Variants in LRP11 observed in about 807,000 individuals in gnomAD.
LRP11 encodes the protein LDL receptor related protein 11.
In LRP11, 25 loss-of-function variants were observed where a neutral mutation model predicts 43.1. The ratio of observed to expected loss-of-function variants is 0.58; its 90% CI spans 0.42 to 0.81. The LOEUF is 0.81. Ranked by LOEUF, LRP11 falls within the 30% of genes least tolerant of loss-of-function variation. The pLI is 0.00. For synonymous variants in LRP11, 316 were observed against 299.4 expected, an observed-to-expected ratio of 1.06 and a Z score of -0.57; for missense variants, 623 against 665.1, an observed-to-expected ratio of 0.94 and a Z score of 0.70.
At chr6:149,837,245 A>G (rs1252944993) in intron 4 of LRP11, 93 bp downstream of exon 4, 2 of 1,366,850 alleles carry the variant, frequency 1.5e-6, no homozygotes, top group Non-Finnish European at 2.0e-6. Context: ...AAGCAGGGGA[A>G]GGACACTGTG....
chr6:149,857,879 T>A (rs750416358), intron 1 of LRP11, among the ~76,000 whole-genome samples: 1 of 152,162 alleles, frequency 6.6e-6, no homozygotes, highest in Non-Finnish European at 1.5e-5. Flanking sequence ...CGGTTACAAT[T>A]TCCTTGTACC....
At chr6:149,849,509 C>T (rs1044099884) in intron 2 of LRP11, among the ~76,000 whole-genome samples, 47 of 152,158 alleles carry the variant, frequency 3.1e-4, no homozygotes, top group African/African-American at 1.1e-3. Context: ...GTAATTTCAA[C>T]ACTTTGGGAG....
chr6:149,848,199 C>CA (rs1294950213), intron 2 of LRP11, among the ~76,000 whole-genome samples: 5 of 134,378 alleles, frequency 3.7e-5, no homozygotes, highest in Non-Finnish European at 6.6e-5. Context: ...CAAAACAAAA[C>CA]AAAAAAAACC....
At chr6:149,824,016 T>C (rs567258316) in intron 6 of LRP11, among the ~76,000 whole-genome samples, 68 of 152,218 alleles carry the variant, frequency 4.5e-4, no homozygotes, top group African/African-American at 1.6e-3. Flanking sequence ...GGCCCCAAGG[T>C]GTCATTCTCC....
In LRP11 at chr6:149,853,157, T is replaced by C; in HGVS notation, c.617A>G (p.Lys206Arg). ...AGCCTTGCTAAGTGGAGGCGCATCCTTTTCTGAGAAAGAAAATAAATAATT... is the reference window on the plus strand; with the variant it reads ...AGCCTTGCTAAGTGGAGGCGCATCCCTTTCTGAGAAAGAAAATAAATAATT... ...ATARASPRQE[K>R]DAPPLSKAGQ... The change falls in exon 2 of 7, where the codon AAG (lysine) becomes AGG (arginine). Residue 206 changes from lysine (K) to arginine (R), a missense_variant. Lys to Arg is a conservative substitution (Grantham distance 26). Coordinates refer to ENST00000239367, the MANE Select transcript of LRP11 (RefSeq NM_032832.6). The C allele has an allele frequency of 6.4e-7, 1 of 1,558,274 alleles. No individual in the cohort carries two copies. Among genetic ancestry groups the C allele is most frequent in the South Asian group, 1.2e-5 (1 of 82,710 alleles).
chr6:149,842,970 A>G lies in LRP11; in HGVS notation c.913+13T>C. 6.2e-7 allele frequency: 1 copy of G among 1,613,972 alleles called. No individual in the cohort carries two copies. The highest frequency in any genetic ancestry group is 1.1e-5 in the South Asian group (1 of 91,086). On this transcript the variant is annotated intron_variant, in intron 3 of 6. Transcript: ENST00000239367. ...ACAAGCAGTGGGAAGCGAGGGAAGG[A>G]CTTTCTTCTCACCTCCTGTGGAGTA... is the stretch of plus-strand genomic sequence containing the variant.
In LRP11 at chr6:149,825,657, ATTT is replaced by A. The variant is rs3036632; in HGVS notation, c.1348+604_1348+606del. On this transcript the variant is annotated intron_variant, in intron 6 of 6. Transcript: ENST00000239367. ...CATACAGTTTAGTGGGTAAGTGAGA[ATTT>A]TTTTTTTTTTTTTTTGAGACGGTCT... 4.6e-3 allele frequency among the ~76,000 whole-genome samples: 647 copies of A among 141,584 alleles called. 2 individuals carry two copies. The highest frequency in any genetic ancestry group is 0.014 in the African/African-American group (538 of 37,768). The allele number at this position is 141,584 out of a possible 152,430, so 92.9% of individuals were successfully genotyped here.
rs114358091 is a variant in LRP11, at chr6:149,859,854, T to C, written c.613+3554A>G. On this transcript the variant is annotated intron_variant, in intron 1 of 6. Transcript: ENST00000239367. ...TTGAAACCTGTCTTCCTTCCAGATA[T>C]GGAAGTTTACTTCCTTTAAGTTTTT... 7.1e-3 allele frequency among the ~76,000 whole-genome samples: 1,086 copies of C among 152,260 alleles called. 9 individuals are homozygous for C. Among genetic ancestry groups the C allele is most frequent in the African/African-American group, 0.025 (1,051 of 41,552 alleles).
intron 4 of LRP11, among the ~76,000 whole-genome samples, chr6:149,836,610 G>A (rs1030858591): frequency 1.7e-4 from 26 of 152,186 alleles, no homozygotes; most frequent in African/African-American, 5.8e-4. Context: ...CCACGAGTTC[G>A]TGACCAGCCT....
chr6:149,836,209 G>A lies in LRP11; in HGVS notation c.1128C>T (p.Asp376=), dbSNP rs72995588. The A allele has an allele frequency of 0.015, 23,518 of 1,614,150 alleles. 236 individuals are homozygous for A. The highest frequency in any genetic ancestry group is 0.018 in the Non-Finnish European group (21,087 of 1,180,024). The change falls in exon 5 of 7, where the codon GAC becomes GAT. Residue 376 remains aspartate (D), a synonymous_variant. Coordinates refer to ENST00000239367, the MANE Select transcript of LRP11 (RefSeq NM_032832.6). ...TTGPSEDAGG[D]SLVEKSQKAT... ...CTTTCTGAGACTTTTCCACCAAGGAGTCACCCCCTGCATCTTCACTCGGCC... is the reference window on the plus strand; with the variant it reads ...CTTTCTGAGACTTTTCCACCAAGGAATCACCCCCTGCATCTTCACTCGGCC...
chr6:149,837,278 C>T, intron 4 of LRP11, 60 bp downstream of exon 4: 2 of 1,567,778 alleles, frequency 1.3e-6, no homozygotes, highest in Non-Finnish European at 1.7e-6. Flanking sequence ...TCTCAGAACA[C>T]AGACCTCCCA....
intron 6 of LRP11, among the ~76,000 whole-genome samples, chr6:149,820,946 T>G (rs1422026427): frequency 1.3e-5 from 2 of 149,858 alleles, no homozygotes; most frequent in Admixed American, 1.4e-4. Flanking sequence ...TTTTTTTTTT[T>G]TTGAGATGGA....
intron 2 of LRP11, among the ~76,000 whole-genome samples, chr6:149,852,246 C>A (rs1183362517): frequency 6.6e-6 from 1 of 152,158 alleles, no homozygotes; most frequent in Non-Finnish European, 1.5e-5. Flanking sequence ...TGTTTTGGTT[C>A]CAGTAGAGTA....
Position 149,862,986 on chromosome 6 carries a change from A to C in LRP11, c.613+422T>G, listed in dbSNP as rs774120508. ...TTGTATGATGAAAGCCACCGCAGGCAAAGTCAGGAGAGCCACGTCAAGAAA... is the reference window on the plus strand; with the variant it reads ...TTGTATGATGAAAGCCACCGCAGGCCAAGTCAGGAGAGCCACGTCAAGAAA... On this transcript the variant is annotated intron_variant, in intron 1 of 6. Coordinates refer to ENST00000239367, the MANE Select transcript of LRP11 (RefSeq NM_032832.6). Among the ~76,000 whole-genome samples the C allele has an allele frequency of 4.6e-5, 7 of 152,326 alleles. No homozygotes were observed. In the Middle Eastern group the frequency reaches 0.01, roughly 222 times the overall value.
intron 5 of LRP11, among the ~76,000 whole-genome samples, chr6:149,833,817 G>A (rs1258531406): frequency 1.3e-5 from 2 of 152,174 alleles, no homozygotes; most frequent in Non-Finnish European, 2.9e-5. Context: ...TGGAAATTGG[G>A]TGCTGACTCC....
At position 149,837,372 on chromosome 6, in the gene LRP11, A is replaced by G. The variant is rs1156445160; in HGVS notation, c.1005T>C (p.Cys335=). 6.2e-7 allele frequency: 1 copy of G among 1,614,120 alleles called. No individual in the cohort carries two copies. Residue 335 remains cysteine (C), a synonymous_variant, in exon 4 of 7, where the codon TGT becomes TGC. Transcript: ENST00000239367. ...ITLACDGVQQ[C]PDGSDEDFCQ... ...AGAAGTCTTCATCAGACCCATCAGG[A>G]CACTGCTGCACTCCATCGCAGGCGA...
At chr6:149,858,287 A>G (rs1458879090) in intron 1 of LRP11, among the ~76,000 whole-genome samples, 1 of 152,130 alleles carries the variant, frequency 6.6e-6, no homozygotes, top group Non-Finnish European at 1.5e-5. Context: ...TATGAGTGAG[A>G]ATATGCGGTG....
intron 2 of LRP11, among the ~76,000 whole-genome samples, chr6:149,850,344 G>A (rs1258406132): frequency 1.3e-5 from 2 of 152,146 alleles, no homozygotes; most frequent in Non-Finnish European, 2.9e-5. Flanking sequence ...AGAAATGTTG[G>A]GGTGTGAAAT....
intron 2 of LRP11, among the ~76,000 whole-genome samples, chr6:149,849,907 T>A (rs900896165): frequency 6.6e-6 from 1 of 152,108 alleles, no homozygotes; most frequent in Non-Finnish European, 1.5e-5. Context: ...CCTGTCTGGG[T>A]CACTTGGACA....
Sources: allele counts gnomAD v4.1 joint callset (sites outside exome capture counted in the v4.1 genomes callset), GRCh38; gene constraint gnomAD v4.1.1; transcripts MANE v1.5; gene names NCBI Gene and HGNC (gene_info 2026-07-23, HGNC 2026-07-21).